CTTNBP2: variants seen among roughly 807,000 people sequenced by gnomAD.
CTTNBP2 encodes cortactin binding protein 2, also known as cortactin-binding protein 2.
CTTNBP2 carries 108 observed loss-of-function variants against 156.9 expected under a neutral mutation model. That is an observed-to-expected ratio of 0.69 (90% CI 0.59 to 0.81). The LOEUF (loss-of-function observed/expected upper bound fraction) is 0.81, where lower values mean the gene tolerates loss of function less well. CTTNBP2 is among the 30% of genes least tolerant of loss of function. CTTNBP2 has a pLI of 0.00. For synonymous variants in CTTNBP2, 767 were observed against 751.8 expected, an observed-to-expected ratio of 1.02 and a Z score of -0.33; for missense variants, 1,924 against 2,035.4, an observed-to-expected ratio of 0.95 and a Z score of 1.05.
rs148382719 is a variant in CTTNBP2, at chr7:117,798,048, C to G, written c.415-5267G>C. On this transcript the variant is annotated intron_variant, in intron 3 of 22. Coordinates refer to ENST00000160373, the MANE Select transcript of CTTNBP2 (RefSeq NM_033427.3). ...AAAGACAAATAATCTTGAAATCAGC[C>G]AAAAAATTAAAGACATATTACGTAC... Among the ~76,000 whole-genome samples, 397 of 151,688 alleles carry G rather than the reference C, an allele frequency of 2.6e-3. 3 individuals carry two copies. The highest frequency in any genetic ancestry group is 0.01 in the Middle Eastern group (3 of 294).
At chr7:117,717,380 A>ATAAT (rs1268327540) in intron 22 of CTTNBP2, among the ~76,000 whole-genome samples, 5 of 150,856 alleles carry the variant, frequency 3.3e-5, no homozygotes, top group Admixed American at 3.3e-4. Context: ...TTGTTTTGTT[A>ATAAT]TAATTAACTC....
At chr7:117,859,291 C>T (rs1044067907) in intron 2 of CTTNBP2, among the ~76,000 whole-genome samples, 12 of 152,278 alleles carry the variant, frequency 7.9e-5, no homozygotes, top group Non-Finnish European at 7.4e-5. Context: ...AATGTTCATT[C>T]GGCAAGTGCT....
intron 9 of CTTNBP2, among the ~76,000 whole-genome samples, chr7:117,761,008 T>G (rs1001752363): frequency 1.3e-5 from 2 of 152,120 alleles, no homozygotes; most frequent in Non-Finnish European, 2.9e-5. Context: ...AAAAAAAATC[T>G]GAAAGAACTA....
At position 117,745,947 on chromosome 7, in the gene CTTNBP2, G is replaced by C; in HGVS notation, c.3436-17C>G. Reference sequence around the variant, plus strand: ...TTGTCTGTGCTGTGATAAGAAAATAGGGTGATTAGTTCTACGCACTTGCCA... The same window carrying C: ...TTGTCTGTGCTGTGATAAGAAAATACGGTGATTAGTTCTACGCACTTGCCA... On this transcript the variant is annotated splice_polypyrimidine_tract_variant and intron_variant, in intron 13 of 22. Transcript: ENST00000160373. 1 of 1,612,404 alleles carries C rather than the reference G, an allele frequency of 6.2e-7. No individual in the cohort carries two copies. The highest frequency in any genetic ancestry group is 8.5e-7 in the Non-Finnish European group (1 of 1,178,376).
At chr7:117,716,044 C>T (rs999170323) in intron 22 of CTTNBP2, 10 of 148,392 alleles carry the variant, frequency 6.7e-5, no homozygotes, top group African/African-American at 2.4e-4. Flanking sequence ...AGAGTCCCTC[C>T]AAATAAGTGT....
At chr7:117,788,983 A>G (rs1040661098) in intron 4 of CTTNBP2, among the ~76,000 whole-genome samples, 5 of 151,758 alleles carry the variant, frequency 3.3e-5, no homozygotes, top group Non-Finnish European at 7.4e-5. Context: ...AGTCGCTGGT[A>G]TTTTTTTTGG....
chr7:117,717,772 C>T (rs1217620038), intron 22 of CTTNBP2, among the ~76,000 whole-genome samples: 1 of 150,490 alleles, frequency 6.6e-6, no homozygotes, highest in East Asian at 1.9e-4. Flanking sequence ...GAGATCTCAA[C>T]AGACACCCAA....
At chr7:117,747,754 C>G (rs1450687897) in intron 12 of CTTNBP2, among the ~76,000 whole-genome samples, 1 of 152,142 alleles carries the variant, frequency 6.6e-6, no homozygotes, top group African/African-American at 2.4e-5. Flanking sequence ...TCCTGGGCAA[C>G]AGAGCGAAAC....
chr7:117,723,752 C>CTT lies in CTTNBP2; in HGVS notation c.4447+793_4447+794dup, dbSNP rs35193550. ...AATATAAACTCGATGACGGCAGGAT[C>CTT]TTTTTTTTTTTTTTTTTTGAGACAC... On this transcript the variant is annotated intron_variant, in intron 19 of 22. Coordinates refer to ENST00000160373, the MANE Select transcript of CTTNBP2 (RefSeq NM_033427.3). Among the ~76,000 whole-genome samples, 772 of 133,514 alleles carry CTT rather than the reference C, an allele frequency of 5.8e-3. 5 individuals are homozygous for CTT. The highest frequency in any genetic ancestry group is 0.02 in the African/African-American group (714 of 35,502). The allele number at this position is 133,514 out of a possible 152,430, so 87.6% of individuals were successfully genotyped here. A position where few individuals can be genotyped will look rare whatever the true frequency, so the allele number is the denominator to read the frequency against.
chr7:117,870,799 G>A (rs866372906), intron 1 of CTTNBP2, among the ~76,000 whole-genome samples: 1 of 152,094 alleles, frequency 6.6e-6, no homozygotes, highest in Non-Finnish European at 1.5e-5. Flanking sequence ...CACGGTTCAC[G>A]GCAAAGACTA....
intron 4 of CTTNBP2, 140 bp from the exon 5 acceptor site, chr7:117,784,594 C>CAATCAATATTAATATCAA: frequency 1.8e-6 from 1 of 545,236 alleles, no homozygotes; most frequent in Non-Finnish European, 3.1e-6. Flanking sequence ...CATTATCAAT[C>CAATCAATATTAATATCAA]TGTTAATATT....
chr7:117,817,167 T>G (rs1457160050), intron 2 of CTTNBP2, among the ~76,000 whole-genome samples: 2 of 149,946 alleles, frequency 1.3e-5, no homozygotes, highest in Non-Finnish European at 3.0e-5. Context: ...GAAACCCCTC[T>G]ACTAAAAACA....
intron 16 of CTTNBP2, 136 bp downstream of exon 16, chr7:117,734,777 T>C (rs1253556463): frequency 1.8e-6 from 1 of 558,618 alleles, no homozygotes; most frequent in East Asian, 3.2e-5. Context: ...TTCATTATGT[T>C]TTTTGGCCCT....
At chr7:117,731,982 G>A (rs1437651371) in intron 16 of CTTNBP2, among the ~76,000 whole-genome samples, 1 of 152,160 alleles carries the variant, frequency 6.6e-6, no homozygotes, top group Non-Finnish European at 1.5e-5. Flanking sequence ...CAGAACATAA[G>A]TGTTCAAAAA....
chr7:117,831,132 T>C (rs1239193634), intron 2 of CTTNBP2, among the ~76,000 whole-genome samples: 2 of 152,190 alleles, frequency 1.3e-5, no homozygotes, highest in Admixed American at 1.3e-4. Flanking sequence ...GTCCCCTCAT[T>C]CACCAACAAC....
At chr7:117,811,469 T>G (rs886746215) in intron 2 of CTTNBP2, among the ~76,000 whole-genome samples, 9 of 152,038 alleles carry the variant, frequency 5.9e-5, no homozygotes, top group African/African-American at 2.2e-4. Context: ...CCCAGCTAAT[T>G]TTTTTGATTT....
chr7:117,871,812 CA>C (rs1423677904), intron 1 of CTTNBP2: 45 of 398,944 alleles, frequency 1.1e-4, no homozygotes, highest in African/African-American at 1.1e-3. Flanking sequence ...CACACACACA[CA>C]CACACCCTCT....
intron 1 of CTTNBP2, among the ~76,000 whole-genome samples, chr7:117,867,977 A>G (rs1214284544): frequency 6.6e-6 from 1 of 152,216 alleles, no homozygotes; most frequent in Non-Finnish European, 1.5e-5. Context: ...GAATGGCAGA[A>G]AAGTGGCTCA....
intron 3 of CTTNBP2, among the ~76,000 whole-genome samples, chr7:117,794,877 CTTTT>C (rs755340586): frequency 4.3e-3 from 375 of 88,190 alleles, no homozygotes; most frequent in African/African-American, 0.018. Context: ...ATATGTATAT[CTTTT>C]TTTTTTTTTT....
Sources: gnomAD v4.1 joint callset for allele counts (sites outside exome capture counted in the v4.1 genomes callset) on GRCh38, gnomAD v4.1.1 for gene constraint, MANE v1.5 for transcripts, NCBI Gene and HGNC (gene_info 2026-07-23, HGNC 2026-07-21) for gene names.